CDH2: variants seen among roughly 807,000 people sequenced by gnomAD.
CDH2 encodes cadherin 2, also known as cadherin-2.
A neutral mutation model predicts 92.0 loss-of-function variants in CDH2; 17 were observed. That is an observed-to-expected ratio of 0.18 (90% CI 0.13 to 0.28). The LOEUF (loss-of-function observed/expected upper bound fraction) is 0.28, where lower values mean the gene tolerates loss of function less well. Ranked by LOEUF, CDH2 falls within the 10% of genes least tolerant of loss-of-function variation. The pLI is 1.00. For missense variants in CDH2, 862 were observed against 1,133.1 expected, an observed-to-expected ratio of 0.76 and a Z score of 3.44; for synonymous variants, 419 against 415.9, an observed-to-expected ratio of 1.01 and a Z score of -0.09.
At chr18:28,090,637 C>T (rs1210868576) in intron 2 of CDH2, among the ~76,000 whole-genome samples, 1 of 152,172 alleles carries the variant, frequency 6.6e-6, no homozygotes, top group Non-Finnish European at 1.5e-5. Context: ...GTAGCTTGTA[C>T]TGTATTCCAG....
intron 2 of CDH2, among the ~76,000 whole-genome samples, chr18:28,136,107 T>C (rs527430196): frequency 5.3e-5 from 8 of 152,218 alleles, no homozygotes; most frequent in Admixed American, 1.3e-4. Context: ...TAATTTAAAG[T>C]TAACTTCTGA....
At position 28,039,144 on chromosome 18, in the gene CDH2, G is replaced by A. The variant is rs538181689; in HGVS notation, c.173-25235C>T. 7.9e-5 allele frequency among the ~76,000 whole-genome samples: 12 copies of A among 152,206 alleles called. No homozygotes were observed. In the East Asian group the frequency reaches 1.4e-3, roughly 17 times the overall value. On this transcript the variant is annotated intron_variant, in intron 2 of 15. Transcript: ENST00000269141. ...GCCACCTGACTGGGTCTAATGTCAT[G>A]CAAAGTCCCTTCATTTCTCTCCTTT...
chr18:28,048,919 A>C (rs1235883686), intron 2 of CDH2, among the ~76,000 whole-genome samples: 2 of 152,136 alleles, frequency 1.3e-5, no homozygotes, highest in African/African-American at 4.8e-5. Context: ...AAGAAAACTG[A>C]TAATACCATC....
chr18:28,022,507 G>A (rs921814671), intron 2 of CDH2, among the ~76,000 whole-genome samples: 1 of 151,946 alleles, frequency 6.6e-6, no homozygotes, highest in East Asian at 1.9e-4. Context: ...TACTATCAAC[G>A]AAAACTTTAT....
intron 14 of CDH2, among the ~76,000 whole-genome samples, chr18:27,972,201 G>T (rs149256634): frequency 1.3e-3 from 204 of 152,176 alleles, no homozygotes; most frequent in African/African-American, 4.7e-3. Flanking sequence ...TGCTTCTCCA[G>T]ATTTTAACTT....
intron 2 of CDH2, among the ~76,000 whole-genome samples, chr18:28,065,290 C>G (rs1004736820): frequency 6.6e-6 from 1 of 152,092 alleles, no homozygotes; most frequent in African/African-American, 2.4e-5. Context: ...CCAACTCTAT[C>G]AGGCATCACA....
At chr18:28,118,761 T>A (rs1048958393) in intron 2 of CDH2, among the ~76,000 whole-genome samples, 2 of 152,034 alleles carry the variant, frequency 1.3e-5, no homozygotes, top group Non-Finnish European at 2.9e-5. Context: ...TAATTTTATA[T>A]CAAAACCAGC....
chr18:28,122,415 A>C (rs899569637), intron 2 of CDH2, among the ~76,000 whole-genome samples: 1 of 151,996 alleles, frequency 6.6e-6, no homozygotes, highest in Non-Finnish European at 1.5e-5. Flanking sequence ...TGTTTTCCCT[A>C]CTCATTATTA....
At chr18:28,045,350 C>A in intron 2 of CDH2, 1 of 451,502 alleles carries the variant, frequency 2.2e-6, no homozygotes. Context: ...TTGTAAAACC[C>A]AAAGCTTATC....
chr18:28,037,968 C>A (rs2013869705), intron 2 of CDH2, among the ~76,000 whole-genome samples: 1 of 151,986 alleles, frequency 6.6e-6, no homozygotes, highest in Admixed American at 6.6e-5. Context: ...AGTATGTGGG[C>A]ATAGAAAACG....
rs1909489908 is a variant in CDH2 at position 27,952,187 on chromosome 18, T to C, written c.2687A>G (p.Lys896Arg). 1 of 1,613,644 alleles carries C rather than the reference T, an allele frequency of 6.2e-7. No individual in the cohort carries two copies. Residue 896 changes from lysine to arginine, a missense_variant, in exon 16 of 16, where the codon AAA becomes AGA. This residue lies in a region of CDH2 where 114 missense variants were observed against 144.8 expected (regional missense o/e 0.79). Transcript: ENST00000269141. ...ACCTCCACCATACATGTCAGCAAGTTTCTTGAACCGTGGCCCCCAGTCGTT... is the reference window on the plus strand; with the variant it reads ...ACCTCCACCATACATGTCAGCAAGTCTCTTGAACCGTGGCCCCCAGTCGTT... ...YLNDWGPRFK[K>R]LADMYGGGDD
chr18:27,937,234 T>C (rs915388489), intron 6 of CDH2, among the ~76,000 whole-genome samples: 5 of 152,176 alleles, frequency 3.3e-5, no homozygotes, highest in African/African-American at 1.2e-4. Context: ...AATCCATCTT[T>C]ATGAACATTT....
In CDH2 at chr18:28,067,503, G is replaced by C. The variant is rs182580798; in HGVS notation, c.173-53594C>G. On this transcript the variant is annotated intron_variant, in intron 2 of 15. Transcript: ENST00000269141. ...TACAATATGTGGTCCTTTGTGATTA[G>C]CTTCTTTCACTTAGCACAGTGTTTT... Among the ~76,000 whole-genome samples, 278 of 152,214 alleles carry C rather than the reference G, an allele frequency of 1.8e-3. 3 individuals are homozygous for C. The highest frequency in any genetic ancestry group is 2.9e-3 in the South Asian group (14 of 4,828).
At chr18:28,055,522 C>A (rs909433403) in intron 2 of CDH2, among the ~76,000 whole-genome samples, 1 of 152,140 alleles carries the variant, frequency 6.6e-6, no homozygotes. Context: ...TGGAGACTGG[C>A]AAATGAAAAA....
chr18:28,059,177 G>C (rs1339620247), intron 2 of CDH2, among the ~76,000 whole-genome samples: 2 of 152,136 alleles, frequency 1.3e-5, no homozygotes, highest in African/African-American at 4.8e-5. Flanking sequence ...GGTCTCTTTG[G>C]TTGGAATGAC....
chr18:28,042,878 C>G (rs557239474), intron 2 of CDH2, among the ~76,000 whole-genome samples: 2 of 152,122 alleles, frequency 1.3e-5, no homozygotes, highest in Non-Finnish European at 2.9e-5. Context: ...TAACAAAGCT[C>G]CTTCCTACTA....
intron 2 of CDH2, among the ~76,000 whole-genome samples, chr18:28,074,781 T>A (rs964891237): frequency 4.6e-5 from 7 of 151,886 alleles, no homozygotes; most frequent in Non-Finnish European, 8.8e-5. Context: ...CTAAAAATTA[T>A]GGGGTTCAGC....
chr18:28,147,851 C>T, intron 1 of CDH2, 67 bp from the exon 2 acceptor site: 2 of 890,668 alleles, frequency 2.2e-6, no homozygotes, highest in Non-Finnish European at 3.6e-6. Flanking sequence ...GAGAAACATT[C>T]CACTTGGCAT....
At chr18:28,106,332 G>A (rs539610371) in intron 2 of CDH2, among the ~76,000 whole-genome samples, 23 of 152,136 alleles carry the variant, frequency 1.5e-4, no homozygotes, top group African/African-American at 2.7e-4. Context: ...CAGGAGAATC[G>A]CTTGAACCTG....
Sources: gnomAD v4.1 joint callset for allele counts (sites outside exome capture counted in the v4.1 genomes callset) on GRCh38, gnomAD v4.1.1 for gene constraint, gnomAD v4.1.1 regional missense constraint, MANE v1.5 for transcripts, NCBI Gene and HGNC (gene_info 2026-07-23, HGNC 2026-07-21) for gene names.